The following ME3 variants were observed in gnomAD, a reference collection of about 807,000 sequenced individuals.
The protein encoded by ME3 is malic enzyme 3.
A neutral mutation model predicts 68.9 loss-of-function variants in ME3; 48 were observed. The ratio of observed to expected loss-of-function variants is 0.70; its 90% CI spans 0.55 to 0.89. The LOEUF is 0.89. ME3 is among the 40% of genes least tolerant of loss of function. The pLI is 0.00. For missense variants in ME3, 675 were observed against 797.4 expected, an observed-to-expected ratio of 0.85 and a Z score of 1.85; for synonymous variants, 320 against 318.8, an observed-to-expected ratio of 1.00 and a Z score of -0.04.
chr11:86,441,177 A>G, exon 15 of ME3: 1 of 1,207,782 alleles, frequency 8.3e-7, no homozygotes, highest in Non-Finnish European at 1.1e-6. Context: ...TTAAAAGAAA[A>G]AACACAGCGA....
In ME3 at chr11:86,552,873, C is replaced by T. The variant is rs182057592; in HGVS notation, c.467+3680G>A. 3.7e-4 allele frequency among the ~76,000 whole-genome samples: 57 copies of T among 152,246 alleles called. 1 individual carries two copies. Among genetic ancestry groups the T allele is most frequent in the Non-Finnish European group, 1.9e-4 (13 of 68,016 alleles). On this transcript the variant is annotated intron_variant, in intron 4 of 14. Transcript: ENST00000543262. ...GCGGGTGCAGCACATTGCTTGGAGCCCAGGAGGATGAGGCATGTGAAGACA... is the reference window on the plus strand; with the variant it reads ...GCGGGTGCAGCACATTGCTTGGAGCTCAGGAGGATGAGGCATGTGAAGACA...
intron 4 of ME3, among the ~76,000 whole-genome samples, chr11:86,521,189 T>C (rs1249656070): frequency 2.6e-5 from 4 of 152,076 alleles, no homozygotes; most frequent in Admixed American, 2.0e-4. Flanking sequence ...GTCAGGAGAT[T>C]GAGACCATCC....
Position 86,560,762 on chromosome 11 carries a change from A to G in ME3, c.184-939T>C, listed in dbSNP as rs1173064066. On this transcript the variant is annotated intron_variant, in intron 2 of 14. Transcript: ENST00000543262. ...TGTGTGTGTGTGTATATATATATAT[A>G]TATATATATATTTCCAGGACCCATC... is the stretch of plus-strand genomic sequence containing the variant. Among the ~76,000 whole-genome samples, 14 of 139,612 alleles carry G rather than the reference A, an allele frequency of 1.0e-4. No homozygotes were observed. In the East Asian group the frequency reaches 2.3e-3, roughly 23 times the overall value. 91.6% of individuals were successfully genotyped at this position (139,612 alleles called of 152,430 possible).
chr11:86,633,519 T>C (rs947932130), intron 2 of ME3, among the ~76,000 whole-genome samples: 1 of 152,032 alleles, frequency 6.6e-6, no homozygotes, highest in East Asian at 1.9e-4. Context: ...AGTAAGGGCA[T>C]GGAGGAGAAA....
chr11:86,665,540 G>A (rs764730969), intron 2 of ME3, among the ~76,000 whole-genome samples: 1 of 152,112 alleles, frequency 6.6e-6, no homozygotes, highest in Middle Eastern at 3.2e-3. Context: ...GATGAAGTTA[G>A]AGAGCATCAA....
intron 10 of ME3, among the ~76,000 whole-genome samples, chr11:86,449,078 A>G (rs952915253): frequency 1.4e-4 from 21 of 152,224 alleles, no homozygotes; most frequent in African/African-American, 4.8e-4. Flanking sequence ...CTGGCCCCAT[A>G]TGGAACAATA....
intron 2 of ME3, among the ~76,000 whole-genome samples, chr11:86,626,940 A>C (rs1441503908): frequency 6.6e-6 from 1 of 152,186 alleles, no homozygotes; most frequent in Non-Finnish European, 1.5e-5. Flanking sequence ...TAACTGGTAT[A>C]TTTTCCTTGG....
intron 2 of ME3, among the ~76,000 whole-genome samples, chr11:86,659,845 A>C (rs1010926229): frequency 6.6e-6 from 1 of 152,236 alleles, no homozygotes; most frequent in African/African-American, 2.4e-5. Context: ...AGAGACATAG[A>C]TGATAGCTGA....
chr11:86,472,954 G>C (rs1950863348), intron 7 of ME3, among the ~76,000 whole-genome samples: 1 of 152,208 alleles, frequency 6.6e-6, no homozygotes, highest in Non-Finnish European at 1.5e-5. Context: ...CAGGTTCTGT[G>C]GAACGTTCTA....
intron 2 of ME3, among the ~76,000 whole-genome samples, chr11:86,663,178 A>G (rs1946390215): frequency 6.6e-6 from 1 of 152,238 alleles, no homozygotes; most frequent in African/African-American, 2.4e-5. Context: ...CAAGTTGCTG[A>G]TCATTCAACT....
chr11:86,560,748 G>GTGTGTATATATATATATA (rs1243025217), intron 2 of ME3, among the ~76,000 whole-genome samples: 1 of 62,530 alleles, frequency 1.6e-5, no homozygotes. Context: ...GTGTGTGTGT[G>GTGTGTATATATATATATA]TATATATATA....
At chr11:86,525,496 C>T (rs188596026) in intron 4 of ME3, among the ~76,000 whole-genome samples, 97 of 149,982 alleles carry the variant, frequency 6.5e-4, no homozygotes, top group East Asian at 6.3e-3. Context: ...AAAAGGCTAA[C>T]GTGGCTGAAT....
At chr11:86,582,337 G>A (rs1334799707) in intron 2 of ME3, among the ~76,000 whole-genome samples, 1 of 152,206 alleles carries the variant, frequency 6.6e-6, no homozygotes, top group Non-Finnish European at 1.5e-5. Context: ...TAAAAATTCA[G>A]TGTGCATCAG....
At chr11:86,449,163 G>A (rs1214579806) in intron 10 of ME3, among the ~76,000 whole-genome samples, 1 of 152,186 alleles carries the variant, frequency 6.6e-6, no homozygotes, top group Non-Finnish European at 1.5e-5. Flanking sequence ...TCCCATCTCT[G>A]CCATAATTTT....
chr11:86,565,413 C>T (rs957904121), intron 2 of ME3, among the ~76,000 whole-genome samples: 7 of 152,102 alleles, frequency 4.6e-5, no homozygotes, highest in South Asian at 2.1e-4. Context: ...GGGACTTGAA[C>T]GAATGATTAT....
chr11:86,640,011 G>T (rs904824882), intron 2 of ME3, among the ~76,000 whole-genome samples: 13 of 152,166 alleles, frequency 8.5e-5, no homozygotes, highest in African/African-American at 2.9e-4. Flanking sequence ...GGTGAGACCA[G>T]AATTCACCTT....
chr11:86,601,475 A>T (rs941652035), intron 2 of ME3, among the ~76,000 whole-genome samples: 1 of 151,920 alleles, frequency 6.6e-6, no homozygotes, highest in African/African-American at 2.4e-5. Flanking sequence ...CTCACCAACC[A>T]AAAAGAGTCC....
At chr11:86,494,551 C>G (rs1484547391) in intron 6 of ME3, among the ~76,000 whole-genome samples, 1 of 152,114 alleles carries the variant, frequency 6.6e-6, no homozygotes, top group Non-Finnish European at 1.5e-5. Flanking sequence ...AGGGCATGTT[C>G]CCTCCTCCTA....
chr11:86,637,898 T>C (rs1404369824), intron 2 of ME3, among the ~76,000 whole-genome samples: 1 of 151,922 alleles, frequency 6.6e-6, no homozygotes, highest in Admixed American at 6.6e-5. Flanking sequence ...ACAGGCTTGA[T>C]ATGTAGAAAT....
Sources: allele counts gnomAD v4.1 joint callset (sites outside exome capture counted in the v4.1 genomes callset), GRCh38; gene constraint gnomAD v4.1.1; transcripts MANE v1.5; gene names NCBI Gene and HGNC (gene_info 2026-07-23, HGNC 2026-07-21).